MAN2C1: variants seen among roughly 807,000 people sequenced by gnomAD.
The protein encoded by MAN2C1 is mannosidase alpha class 2C member 1.
MAN2C1 carries 111 observed loss-of-function variants against 126.9 expected under a neutral mutation model. The ratio of observed to expected loss-of-function variants is 0.87; its 90% CI spans 0.75 to 1.02. MAN2C1 has a LOEUF of 1.02. Among genes scored for constraint, MAN2C1 ranks in the 50% least tolerant of loss-of-function variants. The pLI is 0.00. For missense variants in MAN2C1, 1,363 were observed against 1,364.4 expected, an observed-to-expected ratio of 1.00 and a Z score of 0.02; for synonymous variants, 567 against 561.5, an observed-to-expected ratio of 1.01 and a Z score of -0.14.
chr15:75,365,954 G>A, intron 4 of MAN2C1: 1 of 432,642 alleles, frequency 2.3e-6, no homozygotes, highest in Non-Finnish European at 4.6e-6. Context: ...GGACGTGGTG[G>A]CACACACCTG....
At position 75,358,593 on chromosome 15, in the gene MAN2C1, T is replaced by C; in HGVS notation, c.2272A>G (p.Thr758Ala). 4 of 1,613,204 alleles carry C rather than the reference T, an allele frequency of 2.5e-6. No homozygotes were observed. Among genetic ancestry groups the C allele is most frequent in the Non-Finnish European group, 3.4e-6 (4 of 1,179,942 alleles). Residue 758 changes from threonine to alanine, a missense_variant, in exon 20 of 26, where the codon ACC (threonine) becomes GCC (alanine). By Grantham distance (58) the Thr-to-Ala change is moderately conservative. Transcript: ENST00000267978. Reference protein sequence around the residue: ...TRKPVLGQAGTLAVGTEGGLR... With the variant: ...TRKPVLGQAGALAVGTEGGLR... ...CCGCCCTCGGTGCCCACTGCCAGGG[T>C]CCCTGCCTGGCCCAGCACAGGCTTC...
At position 75,356,400 on chromosome 15, in the gene MAN2C1, G is replaced by C. The variant is rs781613009; in HGVS notation, c.2787C>G (p.Phe929Leu). Residue 929 changes from phenylalanine to leucine, a missense_variant, in exon 24 of 26, where the codon TTC (phenylalanine) becomes TTG (leucine). Physicochemically the swap from Phe to Leu is conservative, Grantham distance 22 (BLOSUM62 0). Coordinates refer to ENST00000267978, the MANE Select transcript of MAN2C1 (RefSeq NM_006715.4). The surrounding 1 kb of genome is among the most constrained non-coding windows in gnomAD (Gnocchi z 5.8). ...GVIQAAYSLN[F>L]PLLALPAPSP... ...TGGGGGCTGGCAGAGCCAACAGGGG[G>C]AAGTTTAGGCTGTAGGCAGCTTGGA... The C allele has an allele frequency of 3.1e-6, 5 of 1,610,648 alleles. No homozygotes were observed. The African/African-American group carries it at 5.3e-5, about 17-fold the overall frequency.
rs1181375372 is a variant in MAN2C1, at chr15:75,362,726, C to G, written c.813G>C (p.Glu271Asp). The change falls in exon 7 of 26, where the codon GAG becomes GAC. Residue 271 changes from glutamate (E) to aspartate (D), a missense_variant. By Grantham distance (45) the Glu-to-Asp change is conservative. Coordinates refer to ENST00000267978, the MANE Select transcript of MAN2C1 (RefSeq NM_006715.4). The surrounding 1 kb of genome is among the most constrained non-coding windows in gnomAD (Gnocchi z 4.5). ...IDTAWLWPFK[E>D]TVRKCARSWV... ...AGCTCCGGGCACATTTCCTCACAGT[C>G]TCTTTGAAGGGCCAAAGCCAGGCTA... The G allele has an allele frequency of 6.2e-7, 1 of 1,614,134 alleles. No individual in the cohort carries two copies. The highest frequency in any genetic ancestry group is 1.1e-5 in the South Asian group (1 of 91,082).
At position 75,360,081 on chromosome 15, in the gene MAN2C1, T is replaced by C. The variant is rs2072436072; in HGVS notation, c.1706+9A>G. 2.5e-6 allele frequency: 4 copies of C among 1,613,908 alleles called. No individual in the cohort carries two copies. Among genetic ancestry groups the C allele is most frequent in the African/African-American group, 1.3e-5 (1 of 74,940 alleles). ...GTCAGGTGGATGGCAGGGACAGAAC[T>C]GGGCTGACCTCCAGAGGTGCTGCAG... On this transcript the variant is annotated intron_variant, in intron 14 of 25. Transcript: ENST00000267978.
intron 12 of MAN2C1, 121 bp downstream of exon 12, chr15:75,360,925 T>C: frequency 7.5e-7 from 1 of 1,329,276 alleles, no homozygotes; most frequent in Non-Finnish European, 1.0e-6. Context: ...GAGGAACCCG[T>C]GGTCTAGGAT....
intron 3 of MAN2C1, 71 bp from the exon 4 acceptor site, chr15:75,366,663 G>A (rs993122008): frequency 1.7e-6 from 2 of 1,172,406 alleles, no homozygotes; most frequent in Non-Finnish European, 2.4e-6. Flanking sequence ...GTAAGCCATG[G>A]GGAGTCAGGC....
intron 21 of MAN2C1, chr15:75,357,179 T>C (rs2072341224): frequency 2.6e-6 from 1 of 390,012 alleles, no homozygotes; most frequent in African/African-American, 2.0e-5. Context: ...GATCTCAGTC[T>C]GTCACCCAGG....
In MAN2C1 at chr15:75,362,911, G is replaced by T. The variant is rs2072504340; in HGVS notation, c.791-163C>A. On this transcript the variant is annotated intron_variant, in intron 6 of 25. Coordinates refer to ENST00000267978, the MANE Select transcript of MAN2C1 (RefSeq NM_006715.4). This position sits in a 1 kb window ranked among gnomAD's most constrained non-coding sequence, Gnocchi z 4.5. ...GGTCACTTCACTTCACTCCAGCGAG[G>T]TGGGAGGAGGGGCTGGGGAAAGGAG... 3.2e-6 allele frequency: 2 copies of T among 624,128 alleles called. No individual in the cohort carries two copies. The highest frequency in any genetic ancestry group is 5.4e-5 in the Admixed American group (2 of 36,920). The allele number at this position is 624,128 out of a possible 1,614,324, so 38.7% of individuals were successfully genotyped here.
rs760062203 is a variant in MAN2C1 at position 75,362,719 on chromosome 15, TCA to T, written c.818_819del (p.Val273GlufsTer19). ...GTCACCCAGCTCCGGGCACATTTCC[TCA>T]CAGTCTCTTTGAAGGGCCAAAGCCA... Reference protein sequence around the residue: ...TAWLWPFKETVRKCARSWVTA... With the variant: ...TAWLWPFKETXRKCARSWVTA... On this transcript the variant is annotated frameshift_variant, in exon 7 of 26. Transcript: ENST00000267978. LOFTEE classifies it high-confidence loss of function. This position sits in a 1 kb window ranked among gnomAD's most constrained non-coding sequence, Gnocchi z 4.5. 11 of 1,613,962 alleles carry T rather than the reference TCA, an allele frequency of 6.8e-6. No homozygotes were observed. The African/African-American group carries it at 1.3e-4, about 20-fold the overall frequency.
intron 20 of MAN2C1, 30 bp downstream of exon 20, chr15:75,358,432 G>GAA: frequency 6.2e-7 from 1 of 1,613,116 alleles, no homozygotes; most frequent in Non-Finnish European, 8.5e-7. Context: ...CACACTTGGG[G>GAA]AAAACAGCCA....
chr15:75,358,282 G>C lies in MAN2C1; in HGVS notation c.2466C>G (p.Ser822=). The C allele has an allele frequency of 6.2e-7, 1 of 1,614,180 alleles. No individual in the cohort carries two copies. The highest frequency in any genetic ancestry group is 1.1e-5 in the South Asian group (1 of 91,084). ...CAAACTGGATCTCATAGGTGGCCTG[G>C]GAACTCCGCACGCGAGCAGGGAACT... ...KVEFPARVRS[S]QATYEIQFGH... The change falls in exon 21 of 26, where the codon TCC becomes TCG. Residue 822 remains serine, a synonymous_variant. Coordinates refer to ENST00000267978, the MANE Select transcript of MAN2C1 (RefSeq NM_006715.4).
chr15:75,365,657 C>T (rs2072559528), intron 4 of MAN2C1: 4 of 200,550 alleles, frequency 2.0e-5, no homozygotes, highest in Middle Eastern at 4.8e-4. Flanking sequence ...ACCTGGGAGG[C>T]GGCGGTCGCA....
At position 75,356,413 on chromosome 15, in the gene MAN2C1, T is replaced by C. The variant is rs373813209; in HGVS notation, c.2774A>G (p.Tyr925Cys). ...FQDAGVIQAA[Y>C]SLNFPLLALP... ...AGCCAACAGGGGGAAGTTTAGGCTG[T>C]AGGCAGCTTGGATAACGCCAGCATC... Residue 925 changes from tyrosine (Y) to cysteine (C), a missense_variant, in exon 24 of 26, where the codon TAC becomes TGC. Physicochemically the swap from Tyr to Cys is radical, Grantham distance 194 (BLOSUM62 -2). Transcript: ENST00000267978. The surrounding 1 kb of genome is among the most constrained non-coding windows in gnomAD (Gnocchi z 5.8). 1.9e-5 allele frequency: 31 copies of C among 1,608,902 alleles called. No individual in the cohort carries two copies. The highest frequency in any genetic ancestry group is 2.6e-5 in the Non-Finnish European group (31 of 1,178,240).
chr15:75,361,730 AAG>A lies in MAN2C1; in HGVS notation c.1102-12_1102-11del. 6.2e-7 allele frequency: 1 copy of A among 1,611,606 alleles called. No individual in the cohort carries two copies. The highest frequency in any genetic ancestry group is 8.5e-7 in the Non-Finnish European group (1 of 1,177,850). ...TGTCCGGCAGCCAGAACTGTGGAGA[AAG>A]AGGATCCTGGAGTGCAGGAACCAGA... On this transcript the variant is annotated splice_polypyrimidine_tract_variant and intron_variant, in intron 9 of 25. Transcript: ENST00000267978. This position sits in a 1 kb window ranked among gnomAD's most constrained non-coding sequence, Gnocchi z 5.0.
At chr15:75,365,746 C>A (rs752610612) in intron 4 of MAN2C1, 107 of 197,280 alleles carry the variant, frequency 5.4e-4, no homozygotes, top group Non-Finnish European at 1.1e-3. Context: ...CAAAAAAACC[C>A]CCCCGAAAAA....
chr15:75,359,729 G>A lies in MAN2C1; in HGVS notation c.1839C>T (p.Ala613=), dbSNP rs767935755. The A allele has an allele frequency of 2.5e-6, 4 of 1,614,058 alleles. No individual in the cohort carries two copies. The South Asian group carries it at 4.4e-5, about 18-fold the overall frequency. The stretch of plus-strand genomic sequence containing the variant: ...CAGGACCTGGCTCCCCAGCACACAG[G>A]GCTGCGGCTGCAGCGCTGAGCAGTG... ...GNTLLSAAAA[A]LCAGEPGPEG... Residue 613 remains alanine, a synonymous_variant, in exon 16 of 26, where the codon GCC becomes GCT. Transcript: ENST00000267978.
Position 75,361,845 on chromosome 15 carries a change from C to T in MAN2C1, c.1101+10G>A. ...TCGCCCACAGCCTGGTGTAGCAGCT[C>T]TCAGCCTACCTCAGAGCACATCTTC... On this transcript the variant is annotated intron_variant, in intron 9 of 25. Coordinates refer to ENST00000267978, the MANE Select transcript of MAN2C1 (RefSeq NM_006715.4). This position sits in a 1 kb window ranked among gnomAD's most constrained non-coding sequence, Gnocchi z 5.0. 1 of 1,613,802 alleles carries T rather than the reference C, an allele frequency of 6.2e-7. No homozygotes were observed. Among genetic ancestry groups the T allele is most frequent in the Non-Finnish European group, 8.5e-7 (1 of 1,179,724 alleles).
chr15:75,360,409 C>T (rs1013173303), intron 13 of MAN2C1, 156 bp downstream of exon 13: 7 of 1,320,168 alleles, frequency 5.3e-6, no homozygotes, highest in African/African-American at 4.4e-5. Flanking sequence ...TTTCTGCCTC[C>T]TTCAAGCTTT....
Position 75,362,918 on chromosome 15 carries a change from G to A in MAN2C1, c.791-170C>T. 4.9e-6 allele frequency: 3 copies of A among 616,074 alleles called. No individual in the cohort carries two copies. Among genetic ancestry groups the A allele is most frequent in the East Asian group, 2.8e-5 (1 of 35,814 alleles). 38.2% of individuals were successfully genotyped at this position (616,074 alleles called of 1,614,324 possible). ...TCACTTCACTCCAGCGAGGTGGGAG[G>A]AGGGGCTGGGGAAAGGAGGCGGCAG... On this transcript the variant is annotated intron_variant, in intron 6 of 25. Coordinates refer to ENST00000267978, the MANE Select transcript of MAN2C1 (RefSeq NM_006715.4). The surrounding 1 kb of genome is among the most constrained non-coding windows in gnomAD (Gnocchi z 4.5).
Sources: gnomAD v4.1 joint callset for allele counts on GRCh38, gnomAD v4.1.1 for gene constraint, Gnocchi (gnomAD v3.1) non-coding constraint, MANE v1.5 for transcripts, NCBI Gene and HGNC (gene_info 2026-07-23, HGNC 2026-07-21) for gene names.